KREMEN1: variants seen among roughly 807,000 people sequenced by gnomAD.
KREMEN1 encodes the protein kremen protein 1.
Under a neutral mutation model 46.5 loss-of-function variants are expected in KREMEN1, and 30 were observed. The ratio of observed to expected loss-of-function variants is 0.65; its 90% CI spans 0.48 to 0.88. The LOEUF (loss-of-function observed/expected upper bound fraction) is 0.88. KREMEN1 is among the 40% of genes least tolerant of loss of function. The pLI, the probability that KREMEN1 is intolerant of heterozygous loss-of-function variation, is 0.00. For synonymous variants in KREMEN1, 214 were observed against 230.6 expected (o/e 0.93, Z 0.65); for missense variants, 533 against 596.9 (o/e 0.89, Z 1.11).
In KREMEN1 at chr22:29,144,862, C is replaced by T. The variant is rs908167709; in HGVS notation, c.*2750C>T. ...GCCAATGTGCTGTCACAGCCTGCAG[C>T]GGGGGCAGCACTTCCTCGGAGGGCC... On this transcript the variant is annotated 3_prime_UTR_variant, in exon 9 of 9. Coordinates refer to ENST00000400335, the MANE Select transcript of KREMEN1 (RefSeq NM_001039570.3). 2.3e-5 allele frequency: 23 copies of T among 985,398 alleles called. No individual in the cohort carries two copies. The highest frequency in any genetic ancestry group is 1.7e-4 in the African/African-American group (10 of 57,240). 61.0% of individuals were successfully genotyped at this position (985,398 alleles called of 1,614,324 possible).
At chr22:29,133,022 G>A (rs1343218487) in intron 5 of KREMEN1, among the ~76,000 whole-genome samples, 1 of 152,140 alleles carries the variant, frequency 6.6e-6, no homozygotes, top group Non-Finnish European at 1.5e-5. Context: ...GCCGAGGCGG[G>A]TGGATCACGA....
At chr22:29,131,594 G>GTGTGTGTGTGTGTA (rs71324554) in intron 5 of KREMEN1, among the ~76,000 whole-genome samples, 9 of 121,950 alleles carry the variant, frequency 7.4e-5, no homozygotes, top group African/African-American at 3.4e-4. Context: ...GTGTGTGTGT[G>GTGTGTGTGTGTGTA]TATATGTATA....
In KREMEN1 at chr22:29,146,028, C is replaced by T. The variant is rs2038853803; in HGVS notation, c.*3916C>T. The T allele has an allele frequency of 1.0e-6, 1 of 985,986 alleles. No homozygotes were observed. The highest frequency in any genetic ancestry group is 1.2e-6 in the Non-Finnish European group (1 of 830,028). The allele number at this position is 985,986 out of a possible 1,614,324, so 61.1% of individuals were successfully genotyped here. A position where few individuals can be genotyped will look rare whatever the true frequency, so the allele number is the denominator to read the frequency against. ...ACTGCACGCTTACTCTTCACAAGCA[C>T]TTATACGCGGATGGCCTCCGAGACC... is the stretch of plus-strand genomic sequence containing the variant. On this transcript the variant is annotated 3_prime_UTR_variant, in exon 9 of 9. Transcript: ENST00000400335.
In KREMEN1 at chr22:29,143,300, G is replaced by A; in HGVS notation, c.*1188G>A. ...CAGCTCATGGTCCTATGGAACCTGAGCCAGGCCTCAGTCTCTCCATGATTG... is the reference window on the plus strand; with the variant it reads ...CAGCTCATGGTCCTATGGAACCTGAACCAGGCCTCAGTCTCTCCATGATTG... On this transcript the variant is annotated 3_prime_UTR_variant, in exon 9 of 9. Coordinates refer to ENST00000400335, the MANE Select transcript of KREMEN1 (RefSeq NM_001039570.3). The A allele has an allele frequency of 5.1e-6, 5 of 985,476 alleles. No homozygotes were observed. The highest frequency in any genetic ancestry group is 5.2e-4 in the Middle Eastern group (1 of 1,914). The allele number at this position is 985,476 out of a possible 1,614,324, so 61.0% of individuals were successfully genotyped here.
Position 29,125,869 on chromosome 22 carries a change from G to A in KREMEN1, c.631+453G>A, listed in dbSNP as rs151017285. 2.0e-3 allele frequency among the ~76,000 whole-genome samples: 304 copies of A among 151,746 alleles called. 1 individual carries two copies. The highest frequency in any genetic ancestry group is 7.0e-3 in the African/African-American group (290 of 41,390). On this transcript the variant is annotated intron_variant, in intron 5 of 8. Coordinates refer to ENST00000400335, the MANE Select transcript of KREMEN1 (RefSeq NM_001039570.3). ...AGCGTAGCTCTAAGTTGTTTTTTCA[G>A]GCCTGGCATTGGGTTTGCCCTGACC...
Position 29,137,401 on chromosome 22 carries a change from G to A in KREMEN1, c.691G>A (p.Asp231Asn), listed in dbSNP as rs2038679905. 3.2e-6 allele frequency: 5 copies of A among 1,564,632 alleles called. No individual in the cohort carries two copies. Among genetic ancestry groups the A allele is most frequent in the Non-Finnish European group, 4.4e-6 (5 of 1,147,058 alleles). ...CATGTCTTCTGTGGTCTATTCCCCTGACTTCCCCGACACCTATGCCACGGG... is the reference window on the plus strand; with the variant it reads ...CATGTCTTCTGTGGTCTATTCCCCTAACTTCCCCGACACCTATGCCACGGG... The part of the protein sequence containing the change: ...SAMSSVVYSP[D>N]FPDTYATGRV... The change falls in exon 6 of 9, where the codon GAC (aspartate) becomes AAC (asparagine). Residue 231 changes from aspartate to asparagine, a missense_variant. Asp to Asn is a conservative substitution (Grantham distance 23). Coordinates refer to ENST00000400335, the MANE Select transcript of KREMEN1 (RefSeq NM_001039570.3).
At chr22:29,117,614 G>A (rs962668554) in intron 3 of KREMEN1, among the ~76,000 whole-genome samples, 3 of 151,844 alleles carry the variant, frequency 2.0e-5, no homozygotes, top group Non-Finnish European at 4.4e-5. Context: ...CTGTCACTTT[G>A]GAATTGTATA....
intron 3 of KREMEN1, among the ~76,000 whole-genome samples, chr22:29,101,799 GT>G (rs1327785907): frequency 6.6e-6 from 1 of 152,162 alleles, no homozygotes; most frequent in Non-Finnish European, 1.5e-5. Flanking sequence ...TCACATCTCA[GT>G]TTGTGCAAGT....
At chr22:29,162,578 C>T (rs924289426) in intron 9 of KREMEN1, among the ~76,000 whole-genome samples, 10 of 152,086 alleles carry the variant, frequency 6.6e-5, no homozygotes, top group East Asian at 1.9e-4. Flanking sequence ...ATTAGCTGGG[C>T]GTGGTGGCAG....
At chr22:29,096,814 G>A (rs2037889943) in intron 2 of KREMEN1, among the ~76,000 whole-genome samples, 1 of 152,222 alleles carries the variant, frequency 6.6e-6, no homozygotes, top group South Asian at 2.1e-4. Flanking sequence ...CGAATAGAGG[G>A]AGGAAAATGA....
intron 9 of KREMEN1, among the ~76,000 whole-genome samples, chr22:29,160,062 T>C (rs1051394931): frequency 2.6e-5 from 4 of 152,124 alleles, no homozygotes; most frequent in African/African-American, 9.7e-5. Context: ...CTATTAGACA[T>C]CTATGGAAAA....
chr22:29,164,794 C>G (rs1478253866), intron 9 of KREMEN1, among the ~76,000 whole-genome samples: 3 of 150,524 alleles, frequency 2.0e-5, no homozygotes, highest in Non-Finnish European at 4.4e-5. Context: ...TATGATTATC[C>G]TGAGTTTCTG....
chr22:29,105,511 A>T (rs973434393), intron 3 of KREMEN1, among the ~76,000 whole-genome samples: 30 of 149,778 alleles, frequency 2.0e-4, no homozygotes, highest in Non-Finnish European at 2.5e-4. Context: ...ACACACACAC[A>T]CTCTGATGAA....
At chr22:29,135,053 C>T (rs1006399584) in intron 5 of KREMEN1, among the ~76,000 whole-genome samples, 1 of 152,220 alleles carries the variant, frequency 6.6e-6, no homozygotes, top group African/African-American at 2.4e-5. Context: ...AGCATTCCCA[C>T]ACCCTTCTTC....
intron 5 of KREMEN1, among the ~76,000 whole-genome samples, chr22:29,131,865 C>CTTTTTTTTTTTTTTTTTTTTTTT (rs71196633): frequency 2.2e-5 from 1 of 45,830 alleles, no homozygotes; most frequent in Non-Finnish European, 3.8e-5. Context: ...TAGAATAATG[C>CTTTTTTTTTTTTTTTTTTTTTTT]TTTTTTTTTT....
At chr22:29,102,327 A>C (rs2037990202) in intron 3 of KREMEN1, among the ~76,000 whole-genome samples, 1 of 152,160 alleles carries the variant, frequency 6.6e-6, no homozygotes, top group Non-Finnish European at 1.5e-5. Flanking sequence ...CCAGTCCCCA[A>C]ACTTAGAAAA....
intron 9 of KREMEN1, among the ~76,000 whole-genome samples, chr22:29,165,112 G>T (rs1254505803): frequency 2.6e-5 from 4 of 152,124 alleles, no homozygotes; most frequent in Admixed American, 6.6e-5. Flanking sequence ...GGTGGAGGTT[G>T]CTGTGAGCCG....
chr22:29,120,539 G>A (rs1430161351), intron 3 of KREMEN1, among the ~76,000 whole-genome samples: 4 of 149,726 alleles, frequency 2.7e-5, no homozygotes, highest in Non-Finnish European at 6.0e-5. Context: ...GGAAACGGAG[G>A]AGGGAGAGGT....
chr22:29,115,387 C>T (rs2038221449), intron 3 of KREMEN1, among the ~76,000 whole-genome samples: 2 of 151,834 alleles, frequency 1.3e-5, no homozygotes, highest in South Asian at 2.1e-4. Context: ...AACTAAAGAA[C>T]TTACTCATGT....
Sources: gnomAD v4.1 joint callset for allele counts (sites outside exome capture counted in the v4.1 genomes callset) on GRCh38, gnomAD v4.1.1 for gene constraint, MANE v1.5 for transcripts, NCBI Gene and HGNC (gene_info 2026-07-23, HGNC 2026-07-21) for gene names.